The following ATOSA variants were observed in gnomAD, a reference collection of about 807,000 sequenced individuals.
The protein encoded by ATOSA is atos homolog protein A.
chr15:52,633,537 G>A, the ATOSA span, among the ~76,000 whole-genome samples: 1 of 152,110 alleles, frequency 6.6e-6, no homozygotes, highest in Non-Finnish European at 1.5e-5. Flanking sequence ...AAGAGAAGGG[G>A]AGGTTCTAAA....
the ATOSA span, chr15:52,656,622 T>A: frequency 6.6e-6 from 1 of 152,006 alleles, no homozygotes; most frequent in African/African-American, 2.4e-5. Context: ...AAGAAGAAAA[T>A]GTTCTAGCCT....
At chr15:52,666,871 C>T in the ATOSA span, among the ~76,000 whole-genome samples, 7 of 151,374 alleles carry the variant, frequency 4.6e-5, no homozygotes, top group Non-Finnish European at 7.4e-5. Flanking sequence ...AAGAGAGTAA[C>T]GCAGAGTAAA....
the ATOSA span, among the ~76,000 whole-genome samples, chr15:52,682,301 G>T: frequency 1.4e-4 from 22 of 152,088 alleles, no homozygotes; most frequent in Admixed American, 1.2e-3. Context: ...AAATTGTGTT[G>T]CAGTCCTACT....
chr15:52,605,372 T>TCCCACCTGTATATC, the ATOSA span: 1 of 621,088 alleles, frequency 1.6e-6, no homozygotes, highest in Non-Finnish European at 2.7e-6. Flanking sequence ...GCTGGTGATA[T>TCCCACCTGTATATC]ACAGGTGGGA....
the ATOSA span, among the ~76,000 whole-genome samples, chr15:52,673,096 T>C: frequency 6.6e-6 from 1 of 152,202 alleles, no homozygotes; most frequent in Non-Finnish European, 1.5e-5. Context: ...TTAGAAAATG[T>C]CCAAAAATAA....
the ATOSA span, among the ~76,000 whole-genome samples, chr15:52,679,785 CCTCCTCCTCCCCCCTCCCCCTCCTT>C: frequency 9.8e-6 from 1 of 101,838 alleles, no homozygotes; most frequent in Non-Finnish European, 2.1e-5. Flanking sequence ...TCCTCCTCCT[CCTCCTCCTCCCCCCTCCCCCTCCTT>C]CCCCCCCTCC....
the ATOSA span, among the ~76,000 whole-genome samples, chr15:52,697,605 G>A: frequency 6.6e-6 from 1 of 151,768 alleles, no homozygotes; most frequent in African/African-American, 2.4e-5. Flanking sequence ...TAACCTTTAG[G>A]TTAAGAACAT....
At chr15:52,607,195 G>C in the ATOSA span, among the ~76,000 whole-genome samples, 2 of 152,082 alleles carry the variant, frequency 1.3e-5, no homozygotes, top group African/African-American at 4.8e-5. Flanking sequence ...GCCAGGACTA[G>C]AACTCAGGTG....
At chr15:52,645,893 T>C in the ATOSA span, among the ~76,000 whole-genome samples, 4 of 152,206 alleles carry the variant, frequency 2.6e-5, no homozygotes, top group African/African-American at 9.7e-5. Context: ...AACCAAATTC[T>C]AGATTTACCT....
the ATOSA span, among the ~76,000 whole-genome samples, chr15:52,677,047 C>T: frequency 7.2e-4 from 109 of 152,294 alleles, no homozygotes; most frequent in African/African-American, 2.5e-3. Flanking sequence ...CCAATTCCTT[C>T]TGGTGCATTT....
At chr15:52,648,559 G>A in the ATOSA span, 1 of 151,854 alleles carries the variant, frequency 6.6e-6, no homozygotes, top group Non-Finnish European at 1.5e-5. Flanking sequence ...ATGACAGAAC[G>A]ATTTCTTCTA....
At chr15:52,680,441 T>G in the ATOSA span, among the ~76,000 whole-genome samples, 1 of 152,060 alleles carries the variant, frequency 6.6e-6, no homozygotes, top group African/African-American at 2.4e-5. Flanking sequence ...AGGGGATTTT[T>G]TTTATTTGTG....
At chr15:52,636,229 A>T in the ATOSA span, among the ~76,000 whole-genome samples, 2 of 151,280 alleles carry the variant, frequency 1.3e-5, no homozygotes, top group African/African-American at 2.4e-5. Flanking sequence ...ATACAATGGA[A>T]TTAAATTAGA....
chr15:52,675,317 G>A, the ATOSA span, among the ~76,000 whole-genome samples: 1 of 151,936 alleles, frequency 6.6e-6, no homozygotes, highest in Non-Finnish European at 1.5e-5. Flanking sequence ...TTTTTATGGA[G>A]GCTGTAGGGA....
the ATOSA span, chr15:52,656,147 AAAT>A: frequency 7.9e-5 from 12 of 152,126 alleles, no homozygotes; most frequent in African/African-American, 2.9e-4. Context: ...TTAAGTTTTT[AAAT>A]AATGTCACAT....
At chr15:52,701,439 C>T in the ATOSA span, among the ~76,000 whole-genome samples, 1 of 152,078 alleles carries the variant, frequency 6.6e-6, no homozygotes, top group Non-Finnish European at 1.5e-5. Flanking sequence ...ACCCTGTCTC[C>T]AGTATATATA....
chr15:52,694,795 C>T, the ATOSA span, among the ~76,000 whole-genome samples: 3 of 152,078 alleles, frequency 2.0e-5, no homozygotes, highest in Non-Finnish European at 4.4e-5. Flanking sequence ...TACAACAGCA[C>T]TGCTGCCAGA....
chr15:52,627,002 A>T, the ATOSA span, among the ~76,000 whole-genome samples: 1 of 152,154 alleles, frequency 6.6e-6, no homozygotes, highest in East Asian at 1.9e-4. Context: ...TTTCCAGTTC[A>T]CTTTTCTGCT....
the ATOSA span, among the ~76,000 whole-genome samples, chr15:52,652,712 G>T: frequency 1.3e-3 from 194 of 152,314 alleles, 1 homozygote; most frequent in African/African-American, 4.5e-3. Context: ...GACAATACAA[G>T]ATTTAACTAG....
Sources: allele counts gnomAD v4.1 joint callset (sites outside exome capture counted in the v4.1 genomes callset), GRCh38; gene constraint gnomAD v4.1.1; transcripts MANE v1.5; gene names NCBI Gene and HGNC (gene_info 2026-07-23, HGNC 2026-07-21).